CCDC178: variants seen among roughly 807,000 people sequenced by gnomAD.
The protein encoded by CCDC178 is coiled-coil domain containing 178, also known as coiled-coil domain-containing protein 178.
Under a neutral mutation model 117.4 loss-of-function variants are expected in CCDC178, and 126 were observed. The ratio of observed to expected loss-of-function variants is 1.07; its 90% CI spans 0.93 to 1.24. CCDC178 has a LOEUF of 1.24. Among genes scored for constraint, CCDC178 ranks in the 50% most tolerant of loss-of-function variants. CCDC178 has a pLI of 0.00. For missense variants in CCDC178, 1,030 were observed against 986.9 expected (o/e 1.04, Z -0.59); for synonymous variants, 283 against 313.4 (o/e 0.90, Z 1.02).
At chr18:33,177,145 A>T (rs1214993383) in intron 20 of CCDC178, among the ~76,000 whole-genome samples, 1 of 152,072 alleles carries the variant, frequency 6.6e-6, no homozygotes, top group Non-Finnish European at 1.5e-5. Flanking sequence ...CATAAGTGGG[A>T]GTTGAACAAT....
intron 22 of CCDC178, among the ~76,000 whole-genome samples, chr18:32,960,043 G>A (rs1047705924): frequency 2.0e-5 from 3 of 151,978 alleles, no homozygotes; most frequent in African/African-American, 7.2e-5. Context: ...AGAATAAAAA[G>A]AGTAGATAAT....
intron 20 of CCDC178, among the ~76,000 whole-genome samples, chr18:33,202,837 C>T (rs981254614): frequency 7.2e-5 from 11 of 152,192 alleles, no homozygotes; most frequent in African/African-American, 2.7e-4. Flanking sequence ...TATTCTTTAC[C>T]TGTATTCTCA....
intron 5 of CCDC178, among the ~76,000 whole-genome samples, chr18:33,379,123 ATAATATATATATTTCCATATATAT>A: frequency 1.5e-4 from 1 of 6,532 alleles, no homozygotes; most frequent in Non-Finnish European, 3.5e-3. Context: ...CCATATATAT[ATAATATATATATTTCCATATATAT>A]ATAATATATA....
chr18:33,150,515 GGAACAC>G (rs1326244793), intron 20 of CCDC178, among the ~76,000 whole-genome samples: 1 of 152,012 alleles, frequency 6.6e-6, no homozygotes, highest in East Asian at 1.9e-4. Context: ...GCATCTACGA[GGAACAC>G]AAATCAGCAA....
intron 20 of CCDC178, among the ~76,000 whole-genome samples, chr18:33,173,754 C>T (rs559227837): frequency 3.3e-5 from 5 of 152,280 alleles, no homozygotes; most frequent in African/African-American, 1.2e-4. Flanking sequence ...GATGAGAACA[C>T]TTGGTATACA....
intron 22 of CCDC178, among the ~76,000 whole-genome samples, chr18:32,951,591 C>G (rs771281706): frequency 4.9e-4 from 75 of 152,292 alleles, no homozygotes; most frequent in Middle Eastern, 3.4e-3. Flanking sequence ...GACTATAGGA[C>G]TATAAATTGA....
At chr18:33,014,585 G>A (rs2055939907) in intron 21 of CCDC178, among the ~76,000 whole-genome samples, 1 of 152,126 alleles carries the variant, frequency 6.6e-6, no homozygotes, top group South Asian at 2.1e-4. Context: ...TAGAGGACCT[G>A]TATAAGCAGG....
intron 2 of CCDC178, among the ~76,000 whole-genome samples, chr18:33,419,734 G>A (rs761550714): frequency 7.2e-5 from 11 of 152,084 alleles, no homozygotes; most frequent in Non-Finnish European, 1.2e-4. Flanking sequence ...ACCACAATGC[G>A]ATATCATCTC....
chr18:33,293,875 C>T (rs1475212766), intron 11 of CCDC178, among the ~76,000 whole-genome samples: 1 of 151,802 alleles, frequency 6.6e-6, no homozygotes, highest in Non-Finnish European at 1.5e-5. Context: ...TAAATGCTTT[C>T]AAATAAACTG....
chr18:33,079,139 T>C (rs571029956), intron 21 of CCDC178, among the ~76,000 whole-genome samples: 11 of 152,282 alleles, frequency 7.2e-5, no homozygotes, highest in African/African-American at 2.4e-4. Context: ...AACAATCATC[T>C]GATCTTCAAA....
intron 22 of CCDC178, among the ~76,000 whole-genome samples, chr18:32,939,885 A>G (rs1165592988): frequency 6.6e-6 from 1 of 152,150 alleles, no homozygotes; most frequent in Non-Finnish European, 1.5e-5. Flanking sequence ...AGATAGACTA[A>G]TGGAAGAACA....
chr18:33,039,465 GA>G (rs2056505632), intron 21 of CCDC178, among the ~76,000 whole-genome samples: 1 of 152,054 alleles, frequency 6.6e-6, no homozygotes, highest in East Asian at 1.9e-4. Context: ...GCCAGGTCTA[GA>G]GCTCACATTG....
intron 11 of CCDC178, among the ~76,000 whole-genome samples, chr18:33,307,530 G>A (rs2062272587): frequency 6.6e-6 from 1 of 152,212 alleles, no homozygotes; most frequent in South Asian, 2.1e-4. Flanking sequence ...GCCTGATGAT[G>A]TGACAGAACA....
At chr18:33,167,579 T>C (rs986694837) in intron 20 of CCDC178, among the ~76,000 whole-genome samples, 1 of 152,084 alleles carries the variant, frequency 6.6e-6, no homozygotes, top group African/African-American at 2.4e-5. Context: ...AAAGTGCCTG[T>C]TCAGCTGGAT....
chr18:33,409,302 C>T (rs1224427712), intron 3 of CCDC178, among the ~76,000 whole-genome samples: 1 of 152,050 alleles, frequency 6.6e-6, no homozygotes, highest in East Asian at 1.9e-4. Context: ...CCAAGCTGGT[C>T]TCCAACTCCT....
At chr18:33,294,099 T>A (rs1248011642) in intron 11 of CCDC178, among the ~76,000 whole-genome samples, 1 of 152,038 alleles carries the variant, frequency 6.6e-6, no homozygotes, top group Non-Finnish European at 1.5e-5. Context: ...AAAGAAGTAA[T>A]AGTCAAAGAG....
intron 20 of CCDC178, among the ~76,000 whole-genome samples, chr18:33,177,311 A>G (rs1339392979): frequency 6.6e-6 from 1 of 152,182 alleles, no homozygotes; most frequent in Non-Finnish European, 1.5e-5. Flanking sequence ...AGGTATACAT[A>G]TGTAACAAAC....
intron 11 of CCDC178, among the ~76,000 whole-genome samples, chr18:33,320,771 T>C (rs1373131457): frequency 2.0e-5 from 3 of 152,106 alleles, no homozygotes; most frequent in African/African-American, 4.8e-5. Context: ...AAAAAGAGCC[T>C]GCATTGCCAA....
At chr18:33,297,545 T>C (rs2062121333) in intron 11 of CCDC178, among the ~76,000 whole-genome samples, 1 of 152,100 alleles carries the variant, frequency 6.6e-6, no homozygotes, top group South Asian at 2.1e-4. Flanking sequence ...CTATAAACAA[T>C]TTATATGCTA....
Sources: allele counts gnomAD v4.1 joint callset (sites outside exome capture counted in the v4.1 genomes callset), GRCh38; gene constraint gnomAD v4.1.1; transcripts MANE v1.5; gene names NCBI Gene and HGNC (gene_info 2026-07-23, HGNC 2026-07-21).